PALM2AKAP2: variants seen among roughly 807,000 people sequenced by gnomAD.
PALM2AKAP2 encodes PALM2-AKAP2 fusion protein.
PALM2AKAP2 carries 37 observed loss-of-function variants against 71.5 expected under a neutral mutation model. The ratio of observed to expected loss-of-function variants is 0.52; its 90% confidence interval spans 0.40 to 0.68. The LOEUF (loss-of-function observed/expected upper bound fraction) is 0.68, where lower values mean the gene tolerates loss of function less well. Ranked by LOEUF, PALM2AKAP2 falls within the 30% of genes least tolerant of loss-of-function variation. The probability of loss-of-function intolerance (pLI) is 0.00; values close to 1 mark genes in which losing one functional copy is unlikely to be tolerated. For synonymous variants in PALM2AKAP2, 468 were observed against 478.8 expected, an observed-to-expected ratio of 0.98 and a Z score of 0.29; for missense variants, 1,224 against 1,191.8, an observed-to-expected ratio of 1.03 and a Z score of -0.40.
At chr9:109,678,826 A>G (rs1827685579) in intron 1 of PALM2AKAP2, among the ~76,000 whole-genome samples, 1 of 152,200 alleles carries the variant, frequency 6.6e-6, no homozygotes. Flanking sequence ...GATAAGTCAT[A>G]GGTGGCTGAA....
At chr9:110,104,197 T>G (rs1835064050) in intron 1 of PALM2AKAP2, among the ~76,000 whole-genome samples, 58 of 102,770 alleles carry the variant, frequency 5.6e-4, no homozygotes, top group South Asian at 7.6e-4. Context: ...GGCGGGGGGG[T>G]AAGGTATCGT....
chr9:109,899,393 A>G (rs1830279139), intron 3 of PALM2AKAP2, among the ~76,000 whole-genome samples: 1 of 152,152 alleles, frequency 6.6e-6, no homozygotes, highest in Admixed American at 6.6e-5. Flanking sequence ...CACTTCCATG[A>G]CAGTAGTCCA....
rs573512092 is a variant in PALM2AKAP2 at position 109,731,689 on chromosome 9, A to G, written c.6-48799A>G. ...ACAATAATTTATAATTTATAAGTAAATAGTATTATTTATGAAATGCTGAAC... is the reference window on the plus strand; with the variant it reads ...ACAATAATTTATAATTTATAAGTAAGTAGTATTATTTATGAAATGCTGAAC... On this transcript the variant is annotated intron_variant, in intron 1 of 6. Coordinates refer to the PALM2AKAP2 transcript ENST00000374531. 3.3e-5 allele frequency among the ~76,000 whole-genome samples: 5 copies of G among 152,282 alleles called. No individual in the cohort carries two copies. The East Asian group carries it at 9.6e-4, about 29-fold the overall frequency.
At chr9:110,039,019 G>GC (rs1833467702) in intron 7 of PALM2AKAP2, among the ~76,000 whole-genome samples, 1 of 151,786 alleles carries the variant, frequency 6.6e-6, no homozygotes, top group Non-Finnish European at 1.5e-5. Flanking sequence ...AGAAGCCAAG[G>GC]CGGGGAATTG....
At chr9:110,053,821 G>A (rs79735446) in intron 1 of PALM2AKAP2, among the ~76,000 whole-genome samples, 2,850 of 152,276 alleles carry the variant, frequency 0.019, 101 homozygotes, top group African/African-American at 0.066. Flanking sequence ...TCGTTGAAGG[G>A]GGTGTGACAT....
intron 5 of PALM2AKAP2, among the ~76,000 whole-genome samples, chr9:109,927,852 A>G (rs1284074925): frequency 6.6e-6 from 1 of 152,184 alleles, no homozygotes; most frequent in Non-Finnish European, 1.5e-5. Flanking sequence ...TAAATTGCAT[A>G]TAGTATATAT....
At chr9:109,680,859 T>G (rs925720561) in intron 1 of PALM2AKAP2, among the ~76,000 whole-genome samples, 4 of 152,158 alleles carry the variant, frequency 2.6e-5, no homozygotes, top group African/African-American at 9.7e-5. Flanking sequence ...CTGAGAGAAA[T>G]GCTAAAATTC....
At chr9:110,050,083 C>T (rs1833681009) in intron 1 of PALM2AKAP2, among the ~76,000 whole-genome samples, 1 of 152,200 alleles carries the variant, frequency 6.6e-6, no homozygotes, top group African/African-American at 2.4e-5. Flanking sequence ...TACCCTTCCC[C>T]GTAGCAGTTT....
chr9:109,731,444 G>T (rs1428160404), intron 1 of PALM2AKAP2, among the ~76,000 whole-genome samples: 1 of 152,080 alleles, frequency 6.6e-6, no homozygotes, highest in Non-Finnish European at 1.5e-5. Flanking sequence ...AACTAGTCAT[G>T]GCTCCAATAC....
At chr9:109,878,235 C>T (rs1297035727) in intron 2 of PALM2AKAP2, among the ~76,000 whole-genome samples, 4 of 152,210 alleles carry the variant, frequency 2.6e-5, no homozygotes, top group Non-Finnish European at 5.9e-5. Flanking sequence ...AATGTAAAAA[C>T]TGTACATTTT....
rs1451423296 is a variant in PALM2AKAP2, at chr9:110,025,384, G to T, written c.582+9345G>T. 6 of 855,740 alleles carry T rather than the reference G, an allele frequency of 7.0e-6. No homozygotes were observed. In the African/African-American group the frequency reaches 8.4e-5, roughly 12 times the overall value. The allele number at this position is 855,740 out of a possible 1,614,324, so 53.0% of individuals were successfully genotyped here. Reference sequence around the variant, plus strand: ...TTTGGCGAATTACTGGAAGATGGAGGTTCCGCCCGAAAGGCTTTTTTTTTT... The same window carrying T: ...TTTGGCGAATTACTGGAAGATGGAGTTTCCGCCCGAAAGGCTTTTTTTTTT... On this transcript the variant is annotated intron_variant, in intron 7 of 9. Transcript: ENST00000302798.
At chr9:110,020,220 A>G (rs1368335146) in intron 7 of PALM2AKAP2, among the ~76,000 whole-genome samples, 1 of 152,226 alleles carries the variant, frequency 6.6e-6, no homozygotes, top group African/African-American at 2.4e-5. Flanking sequence ...TCTTCTTGTG[A>G]TAAAGGTGTC....
chr9:110,064,131 G>A (rs1255408480), intron 1 of PALM2AKAP2, among the ~76,000 whole-genome samples: 1 of 152,164 alleles, frequency 6.6e-6, no homozygotes, highest in African/African-American at 2.4e-5. Context: ...TGGCTTAGAT[G>A]TTTACAAAAC....
chr9:109,867,289 C>T (rs1587972140), intron 1 of PALM2AKAP2: 3 of 516,268 alleles, frequency 5.8e-6, no homozygotes, highest in Non-Finnish European at 1.1e-5. Flanking sequence ...TCCCACTCTT[C>T]GAGCCTACAG....
At chr9:109,861,617 C>T (rs1285462072) in intron 1 of PALM2AKAP2, among the ~76,000 whole-genome samples, 1 of 152,152 alleles carries the variant, frequency 6.6e-6, no homozygotes, top group Non-Finnish European at 1.5e-5. Flanking sequence ...TCTCTTGAGG[C>T]ACACTGCCCC....
chr9:109,667,825 A>G lies in PALM2AKAP2; in HGVS notation c.5+26959A>G, dbSNP rs945310082. On this transcript the variant is annotated intron_variant, in intron 1 of 6. Coordinates refer to the PALM2AKAP2 transcript ENST00000374531. Reference sequence around the variant, plus strand: ...TAGCAACAACAACAATAAGGTAAATATAACCAGAAGCCTATAGCTCAGGAT... The same window carrying G: ...TAGCAACAACAACAATAAGGTAAATGTAACCAGAAGCCTATAGCTCAGGAT... 2.6e-5 allele frequency among the ~76,000 whole-genome samples: 4 copies of G among 152,140 alleles called. No individual in the cohort carries two copies. The South Asian group carries it at 8.3e-4, about 32-fold the overall frequency.
intron 7 of PALM2AKAP2, among the ~76,000 whole-genome samples, chr9:110,017,183 C>T (rs1588060698): frequency 6.6e-6 from 1 of 152,196 alleles, no homozygotes; most frequent in South Asian, 2.1e-4. Flanking sequence ...AGATATTTCT[C>T]TCCTGGATCT....
chr9:109,754,240 A>T (rs1028774764), intron 1 of PALM2AKAP2, among the ~76,000 whole-genome samples: 1 of 152,190 alleles, frequency 6.6e-6, no homozygotes, highest in Non-Finnish European at 1.5e-5. Flanking sequence ...CTTCTCTAAG[A>T]TCACATTAGT....
At chr9:110,137,270 A>G (rs1835905860) in exon 2 of PALM2AKAP2, 1 of 1,614,238 alleles carries the variant, frequency 6.2e-7, no homozygotes, top group East Asian at 2.2e-5. Context: ...CAAGGGCCAG[A>G]GTACACCCAG....
Sources: gnomAD v4.1 joint callset for allele counts (sites outside exome capture counted in the v4.1 genomes callset) on GRCh38, gnomAD v4.1.1 for gene constraint, MANE v1.5 for transcripts, NCBI Gene and HGNC (gene_info 2026-07-23, HGNC 2026-07-21) for gene names.